The following NAV2 variants were observed in gnomAD, a reference collection of about 807,000 sequenced individuals.
The protein encoded by NAV2 is neuron navigator 2, also known as helicase, APC down-regulated 1.
Under a neutral mutation model 223.2 loss-of-function variants are expected in NAV2, and 54 were observed. The observed-to-expected ratio is 0.24, with a 90% CI of 0.19 to 0.30. The LOEUF (loss-of-function observed/expected upper bound fraction) is 0.30, where lower values mean the gene tolerates loss of function less well. Ranked by LOEUF, NAV2 falls within the 10% of genes least tolerant of loss-of-function variation. The probability of loss-of-function intolerance (pLI) is 1.00; values close to 1 mark genes in which losing one functional copy is unlikely to be tolerated. For missense variants in NAV2, 2,806 were observed against 3,147.5 expected (o/e 0.89, Z 2.60); for synonymous variants, 1,279 against 1,239.3 (o/e 1.03, Z -0.67).
At chr11:19,863,038 A>T (rs911930248) in intron 3 of NAV2, among the ~76,000 whole-genome samples, 7 of 152,066 alleles carry the variant, frequency 4.6e-5, no homozygotes, top group African/African-American at 1.7e-4. Context: ...TCTGCCTCCC[A>T]TCCCACCCCT....
intron 16 of NAV2, 89 bp downstream of exon 16, chr11:20,049,990 G>C: frequency 8.0e-7 from 1 of 1,252,468 alleles, no homozygotes; most frequent in Non-Finnish European, 1.2e-6. Flanking sequence ...CGAGGCTGTT[G>C]GCCTAAGCCA....
At chr11:19,471,717 G>A (rs1168361857) in intron 1 of NAV2, among the ~76,000 whole-genome samples, 2 of 152,162 alleles carry the variant, frequency 1.3e-5, no homozygotes, top group African/African-American at 4.8e-5. Flanking sequence ...TTTTCAACCA[G>A]CAAACAGTAA....
chr11:19,364,402 C>G (rs1854142648), intron 1 of NAV2, among the ~76,000 whole-genome samples: 1 of 152,178 alleles, frequency 6.6e-6, no homozygotes. Flanking sequence ...TCCTTCCTGA[C>G]AGAGGGATGC....
chr11:19,516,175 G>C (rs931236099), intron 1 of NAV2, among the ~76,000 whole-genome samples: 3 of 152,194 alleles, frequency 2.0e-5, no homozygotes, highest in African/African-American at 7.2e-5. Flanking sequence ...ATCTCTAAGG[G>C]ACTCCAAGAG....
At chr11:19,614,801 G>A (rs115208087) in intron 1 of NAV2, among the ~76,000 whole-genome samples, 2,424 of 152,286 alleles carry the variant, frequency 0.016, 68 homozygotes, top group African/African-American at 0.056. Context: ...ACTCTATAGA[G>A]TGAATGGTCA....
chr11:19,645,095 G>A (rs563357043), intron 1 of NAV2, among the ~76,000 whole-genome samples: 47 of 152,306 alleles, frequency 3.1e-4, no homozygotes, highest in African/African-American at 1.1e-3. Flanking sequence ...GTCCAGTACG[G>A]GTTTCACCAG....
intron 1 of NAV2, among the ~76,000 whole-genome samples, chr11:19,431,677 CAAAT>C (rs1851041783): frequency 6.6e-6 from 1 of 152,084 alleles, no homozygotes; most frequent in African/African-American, 2.4e-5. Flanking sequence ...AACAAACAAA[CAAAT>C]GCCTGGTGTC....
At chr11:20,114,395 G>C (rs913643670) in intron 36 of NAV2, 197 bp from the exon 37 acceptor site, 3 of 604,124 alleles carry the variant, frequency 5.0e-6, no homozygotes, top group Non-Finnish European at 8.8e-6. Flanking sequence ...TAGACCACTG[G>C]GTCATGCTGC....
At chr11:19,780,044 G>A (rs1362465383) in intron 1 of NAV2, among the ~76,000 whole-genome samples, 1 of 152,192 alleles carries the variant, frequency 6.6e-6, no homozygotes, top group Non-Finnish European at 1.5e-5. Context: ...TTGAATAGTA[G>A]AATTAAAGGT....
intron 1 of NAV2, among the ~76,000 whole-genome samples, chr11:19,363,281 T>C (rs2133804879): frequency 6.6e-6 from 1 of 152,336 alleles, no homozygotes; most frequent in Middle Eastern, 3.4e-3. Flanking sequence ...GGTTTCCAGC[T>C]TCATCCATGT....
At chr11:20,027,454 G>A in intron 11 of NAV2, 1 of 985,486 alleles carries the variant, frequency 1.0e-6, no homozygotes, top group Non-Finnish European at 1.2e-6. Flanking sequence ...GAGCAGAACT[G>A]GAAAATTGAG....
chr11:19,898,829 C>T (rs996493342), intron 6 of NAV2, among the ~76,000 whole-genome samples: 7 of 152,118 alleles, frequency 4.6e-5, no homozygotes, highest in Non-Finnish European at 7.4e-5. Context: ...TCACTGTCTT[C>T]GGCAAAAAAT....
intron 5 of NAV2, among the ~76,000 whole-genome samples, chr11:19,887,266 G>A (rs1051308478): frequency 6.6e-6 from 1 of 152,156 alleles, no homozygotes; most frequent in African/African-American, 2.4e-5. Flanking sequence ...GGCGTATGGA[G>A]GGAATTGATA....
chr11:19,723,957 G>A (rs377659065), intron 1 of NAV2, among the ~76,000 whole-genome samples: 6 of 152,322 alleles, frequency 3.9e-5, no homozygotes, highest in Non-Finnish European at 7.3e-5. Context: ...AGCTTTGATC[G>A]TTAGAAGACA....
At chr11:19,666,276 G>A (rs1394861579) in intron 1 of NAV2, among the ~76,000 whole-genome samples, 1 of 152,188 alleles carries the variant, frequency 6.6e-6, no homozygotes, top group East Asian at 1.9e-4. Flanking sequence ...TTGCTTTAGG[G>A]TGGGGCCCAA....
In NAV2 at chr11:19,783,751, C is replaced by A. The variant is rs576905367; in HGVS notation, c.268-48733C>A. On this transcript the variant is annotated intron_variant, in intron 1 of 37. Coordinates refer to ENST00000349880, the MANE Select transcript of NAV2 (RefSeq NM_145117.5). ...TCTGTAAAATGATGATGATGATAAT[C>A]ATTCCAAATTCAAGGTTGTTAGGGT... 5.9e-5 allele frequency among the ~76,000 whole-genome samples: 9 copies of A among 152,270 alleles called. No homozygotes were observed. The South Asian group carries it at 1.9e-3, about 32-fold the overall frequency.
intron 6 of NAV2, among the ~76,000 whole-genome samples, chr11:19,909,566 G>A (rs978777634): frequency 5.9e-5 from 9 of 152,232 alleles, no homozygotes; most frequent in Non-Finnish European, 1.2e-4. Context: ...CCTGGCTGGG[G>A]AAGAGGTGGG....
chr11:19,745,944 T>G (rs1016865559), intron 1 of NAV2, among the ~76,000 whole-genome samples: 7 of 152,210 alleles, frequency 4.6e-5, no homozygotes, highest in Non-Finnish European at 8.8e-5. Flanking sequence ...AACATTTGGA[T>G]GGGATCAGGG....
At chr11:19,875,963 C>T (rs779249521) in intron 4 of NAV2, among the ~76,000 whole-genome samples, 1 of 151,792 alleles carries the variant, frequency 6.6e-6, no homozygotes, top group Non-Finnish European at 1.5e-5. Context: ...ATTTTCTCAG[C>T]CAAAAAAGGG....
Sources: allele counts gnomAD v4.1 joint callset (sites outside exome capture counted in the v4.1 genomes callset), GRCh38; gene constraint gnomAD v4.1.1; transcripts MANE v1.5; gene names NCBI Gene and HGNC (gene_info 2026-07-23, HGNC 2026-07-21).